ASMT: variants seen among roughly 807,000 people sequenced by gnomAD.
ASMT encodes the protein acetylserotonin O-methyltransferase.
Under a neutral mutation model 41.3 loss-of-function variants are expected in ASMT, and 53 were observed. The observed-to-expected ratio is 1.28, with a 90% CI of 1.03 to 1.61. The LOEUF is 1.61. Among genes scored for constraint, ASMT ranks in the 40% most tolerant of loss-of-function variants. The pLI is 0.00. For synonymous variants in ASMT, 231 were observed against 184.8 expected (o/e 1.25, Z -2.03); for missense variants, 531 against 441.3 (o/e 1.20, Z -1.82).
Position 1,632,795 on chromosome X carries a change from C to T in ASMT, c.646+8C>T, listed in dbSNP as rs1406032328. ...GCGTGTTCTCACTCATAGGTGGGAA[C>T]TGAACAATGAGACCACATGGACACA... On this transcript the variant is annotated splice_region_variant and intron_variant, in intron 6 of 8. Coordinates refer to ENST00000381241, the MANE Select transcript of ASMT (RefSeq NM_001171038.2). The T allele has an allele frequency of 8.2e-5, 35 of 427,628 alleles. No individual in the cohort carries two copies. Among genetic ancestry groups the T allele is most frequent in the Admixed American group, 4.6e-4 (13 of 28,540 alleles). 26.5% of individuals were successfully genotyped at this position (427,628 alleles called of 1,614,324 possible).
intron 8 of ASMT, among the ~76,000 whole-genome samples, chrX:1,640,926 T>C (rs1318832786): frequency 1.4e-4 from 1 of 6,954 alleles, no homozygotes; most frequent in Non-Finnish European, 2.5e-4. Flanking sequence ...CACATGAGGA[T>C]GTGGGCACAG....
Position 1,626,423 on chromosome X carries a change from G to A in ASMT, c.375-1280G>A, listed in dbSNP as rs112261589. 4.0e-5 allele frequency among the ~76,000 whole-genome samples: 6 copies of A among 151,842 alleles called. No individual in the cohort carries two copies. In the East Asian group the frequency reaches 1.2e-3, roughly 30 times the overall value. Reference sequence around the variant, plus strand: ...ATTGTTTGTGTTTTAGTAGAGACGGGGTTTCACCCTGTCTTTGAGGCTGGT... The same window carrying A: ...ATTGTTTGTGTTTTAGTAGAGACGGAGTTTCACCCTGTCTTTGAGGCTGGT... On this transcript the variant is annotated intron_variant, in intron 3 of 8. Coordinates refer to ENST00000381241, the MANE Select transcript of ASMT (RefSeq NM_001171038.2).
intron 1 of ASMT, among the ~76,000 whole-genome samples, chrX:1,620,297 G>T (rs1400347943): frequency 7.0e-6 from 1 of 143,352 alleles, no homozygotes; most frequent in Non-Finnish European, 1.5e-5. Flanking sequence ...TCAGCCTCCC[G>T]AATAGGTGGG....
In ASMT at chrX:1,623,189, C is replaced by T. The variant is rs1214580387; in HGVS notation, c.120C>T (p.Ala40=). ...GCGTGTTTGACCTTCTCGCCGAGGC[C>T]CCAGGGCCCCTGGACGTGGCGGCAG... ...ELGVFDLLAE[A]PGPLDVAAVA... The change falls in exon 2 of 9, where the codon GCC becomes GCT. Residue 40 remains alanine, a synonymous_variant. Coordinates refer to ENST00000381241, the MANE Select transcript of ASMT (RefSeq NM_001171038.2). The T allele has an allele frequency of 8.7e-6, 14 of 1,613,186 alleles. No homozygotes were observed. Among genetic ancestry groups the T allele is most frequent in the Non-Finnish European group, 1.2e-5 (14 of 1,179,856 alleles).
chrX:1,625,975 A>AG (rs1265437773), intron 3 of ASMT, among the ~76,000 whole-genome samples: 1 of 143,208 alleles, frequency 7.0e-6, no homozygotes, highest in Non-Finnish European at 1.5e-5. Flanking sequence ...AAAAAAAAAT[A>AG]GGGGTGTCTG....
chrX:1,615,758 C>T (rs1231988733), intron 1 of ASMT, among the ~76,000 whole-genome samples: 10 of 151,412 alleles, frequency 6.6e-5, no homozygotes, highest in Admixed American at 1.3e-4. Flanking sequence ...GCCGAGATCG[C>T]ACCACTGCAC....
chrX:1,636,390 T>G (rs762397157), intron 7 of ASMT, 48 bp from the exon 8 acceptor site: 2 of 1,613,722 alleles, frequency 1.2e-6, no homozygotes, highest in Non-Finnish European at 1.7e-6. Context: ...TTTAGTCAAA[T>G]GGGATTGGAT....
Position 1,629,922 on chromosome X carries a change from T to A in ASMT, c.545T>A (p.Leu182His), listed in dbSNP as rs145494220. 6.4e-5 allele frequency: 104 copies of A among 1,613,734 alleles called. No homozygotes were observed. Among genetic ancestry groups the A allele is most frequent in the Non-Finnish European group, 8.6e-5 (101 of 1,179,758 alleles). The stretch of plus-strand genomic sequence containing the variant: ...GCCTTTGACCTGTCAGTGTTCCCAC[T>A]TATGTGTGACCTTGGTGGTAAGTAC... ...LTAFDLSVFP[L>H]MCDLGGTWIK... Residue 182 changes from leucine to histidine, a missense_variant, in exon 5 of 9, where the codon CTT (leucine) becomes CAT (histidine). Leu to His is a moderately conservative substitution (Grantham distance 99). Coordinates refer to ENST00000381241, the MANE Select transcript of ASMT (RefSeq NM_001171038.2).
chrX:1,619,611 A>G (rs1934268327), intron 1 of ASMT, among the ~76,000 whole-genome samples: 1 of 148,972 alleles, frequency 6.7e-6, no homozygotes, highest in Non-Finnish European at 1.5e-5. Context: ...GAGCAGAAAA[A>G]AAAAAAGATC....
rs780465914 is a variant in ASMT, at chrX:1,629,878, C to A, written c.501C>A (p.Asn167Lys). 2.5e-6 allele frequency: 4 copies of A among 1,613,980 alleles called. No individual in the cohort carries two copies. The African/African-American group carries it at 5.3e-5, about 22-fold the overall frequency. The stretch of plus-strand genomic sequence containing the variant: ...CTCTGCAGGAGGTCTGGAGCGTCAA[C>A]GGGAGAAGCGTGCTGACCGCCTTTG... Reference protein sequence around the residue: ...MQALQEVWSVNGRSVLTAFDL... With the variant: ...MQALQEVWSVKGRSVLTAFDL... Residue 167 changes from asparagine (N) to lysine (K), a missense_variant, in exon 5 of 9, where the codon AAC (asparagine) becomes AAA (lysine). Transcript: ENST00000381241.
chrX:1,629,612 A>G (rs1934693374), intron 4 of ASMT, among the ~76,000 whole-genome samples: 1 of 151,908 alleles, frequency 6.6e-6, no homozygotes, highest in Non-Finnish European at 1.5e-5. Flanking sequence ...TTCTGAATCA[A>G]CTCCAGGTTT....
chrX:1,618,790 G>A (rs1214905862), intron 1 of ASMT, among the ~76,000 whole-genome samples: 1 of 152,206 alleles, frequency 6.6e-6, no homozygotes, highest in Non-Finnish European at 1.5e-5. Context: ...CCAGACAACA[G>A]TAACTTGCTA....
intron 8 of ASMT, among the ~76,000 whole-genome samples, chrX:1,642,546 T>C (rs761893855): frequency 1.3e-5 from 2 of 150,900 alleles, no homozygotes; most frequent in Admixed American, 1.3e-4. Flanking sequence ...AGTTCTCCTG[T>C]GAGGTCCATC....
At chrX:1,626,370 G>T (rs1934549464) in intron 3 of ASMT, among the ~76,000 whole-genome samples, 1 of 151,874 alleles carries the variant, frequency 6.6e-6, no homozygotes, top group African/African-American at 2.4e-5. Flanking sequence ...CAGTAGCTGG[G>T]AGTATAGGCA....
chrX:1,615,316 C>G (rs1343510291), intron 1 of ASMT, 48 bp downstream of exon 1: 9 of 1,485,122 alleles, frequency 6.1e-6, no homozygotes, highest in Non-Finnish European at 8.3e-6. Flanking sequence ...CCGTTCATCA[C>G]ACTCACGTTC....
At chrX:1,619,374 G>T (rs1468493584) in intron 1 of ASMT, among the ~76,000 whole-genome samples, 1 of 148,750 alleles carries the variant, frequency 6.7e-6, no homozygotes, top group South Asian at 2.1e-4. Flanking sequence ...AGCCTTGGGG[G>T]CAGAGCGGGA....
At chrX:1,615,615 C>A (rs778243561) in intron 1 of ASMT, among the ~76,000 whole-genome samples, 7 of 151,944 alleles carry the variant, frequency 4.6e-5, no homozygotes, top group Non-Finnish European at 5.9e-5. Context: ...CCAGCCTGAC[C>A]CACACAGAGA....
Position 1,623,318 on chromosome X carries a change from G to C in ASMT, c.244+5G>C. On this transcript the variant is annotated splice_donor_5th_base_variant and intron_variant, in intron 2 of 8. Coordinates refer to ENST00000381241, the MANE Select transcript of ASMT (RefSeq NM_001171038.2). ...TGGAGACGAGGGGAGGAAAAGGTGA[G>C]GACACGGGCGTTTTGAAGGAGGCAT... The C allele has an allele frequency of 6.2e-7, 1 of 1,613,926 alleles. No homozygotes were observed. Among genetic ancestry groups the C allele is most frequent in the East Asian group, 2.2e-5 (1 of 44,882 alleles).
Position 1,637,135 on chromosome X carries a change from T to C in ASMT, c.910+575T>C, listed in dbSNP as rs866918581. Among the ~76,000 whole-genome samples the C allele has an allele frequency of 3.2e-3, 278 of 88,114 alleles. 4 individuals are homozygous for C. Among genetic ancestry groups the C allele is most frequent in the South Asian group, 0.011 (26 of 2,420 alleles). The allele number at this position is 88,114 out of a possible 152,430, so 57.8% of individuals were successfully genotyped here. ...TGTGAGGTCCACCCATCCTGATGCT[T>C]CACGAGGACGTGGGCACAGCCTCTG... On this transcript the variant is annotated intron_variant, in intron 8 of 8. Transcript: ENST00000381241.
Sources: gnomAD v4.1 joint callset for allele counts (sites outside exome capture counted in the v4.1 genomes callset) on GRCh38, gnomAD v4.1.1 for gene constraint, MANE v1.5 for transcripts, NCBI Gene and HGNC (gene_info 2026-07-23, HGNC 2026-07-21) for gene names.